Variants in TRPV6 observed in about 807,000 individuals in gnomAD.
TRPV6 encodes the protein transient receptor potential cation channel subfamily V member 6, also known as Alu-binding protein with zinc finger domain.
A neutral mutation model predicts 79.0 loss-of-function variants in TRPV6; 39 were observed. The ratio of observed to expected loss-of-function variants is 0.49; its 90% CI spans 0.38 to 0.64. The LOEUF (loss-of-function observed/expected upper bound fraction) is 0.64. TRPV6 is among the 30% of genes least tolerant of loss of function. The probability of loss-of-function intolerance (pLI) is 0.00; values close to 1 mark genes in which losing one functional copy is unlikely to be tolerated. For synonymous variants in TRPV6, 373 were observed against 391.9 expected, an observed-to-expected ratio of 0.95 and a Z score of 0.57; for missense variants, 813 against 1,011.1, an observed-to-expected ratio of 0.80 and a Z score of 2.66.
intron 1 of TRPV6, chr7:142,878,864 A>G (rs1795137682): frequency 6.6e-6 from 1 of 152,220 alleles, no homozygotes; most frequent in Non-Finnish European, 1.5e-5. Flanking sequence ...TAGTGAATCC[A>G]AATCTGCAGT....
At chr7:142,879,319 C>T (rs1040307815) in intron 1 of TRPV6, 3 of 152,194 alleles carry the variant, frequency 2.0e-5, no homozygotes, top group African/African-American at 7.2e-5. Flanking sequence ...AAATTATCTT[C>T]TCTGAATCCC....
In TRPV6 at chr7:142,874,127, G is replaced by T; in HGVS notation, c.1588C>A (p.Leu530Met). ...GCCATCAGCCAGCAGAATCGCATCA[G>T]GTCGCCAAAAATCATCTAGAAGGAG... Residue 530 changes from leucine to methionine, a missense_variant, in exon 12 of 15, where the codon CTG (leucine) becomes ATG (methionine). Coordinates refer to ENST00000359396, the MANE Select transcript of TRPV6 (RefSeq NM_018646.6). 1 of 1,613,754 alleles carries T rather than the reference G, an allele frequency of 6.2e-7. No homozygotes were observed. Among genetic ancestry groups the T allele is most frequent in the Non-Finnish European group, 8.5e-7 (1 of 1,179,878 alleles).
chr7:142,876,956 T>TTCG, intron 4 of TRPV6, 119 bp from the exon 5 acceptor site: 1 of 1,477,266 alleles, frequency 6.8e-7, no homozygotes, highest in Admixed American at 2.1e-5. Context: ...TGAGGACACT[T>TTCG]TTCCTGCAGA....
rs780266506 is a variant in TRPV6, at chr7:142,876,526, A to T, written c.764T>A (p.Met255Lys). 4 of 1,614,180 alleles carry T rather than the reference A, an allele frequency of 2.5e-6. No homozygotes were observed. In the South Asian group the frequency reaches 4.4e-5, roughly 18 times the overall value. The change falls in exon 6 of 15, where the codon ATG (methionine) becomes AAG (lysine). Residue 255 changes from methionine (M) to lysine (K), a missense_variant. Physicochemically the swap from Met to Lys is moderately conservative, Grantham distance 95. Around this residue, in one of 3 missense-constraint regions of TRPV6, gnomAD observed 555 missense variants for 631.0 expected, o/e 0.88. Coordinates refer to ENST00000359396, the MANE Select transcript of TRPV6 (RefSeq NM_018646.6). The stretch of plus-strand genomic sequence containing the variant: ...GTCGTAGGACAGCAACAGGTTGTAC[A>T]TCTGGCAGGCAAAGGTTTTGTTGGG...
intron 2 of TRPV6, 34 bp downstream of exon 2, chr7:142,877,895 A>G: frequency 1.2e-6 from 2 of 1,612,886 alleles, no homozygotes; most frequent in Non-Finnish European, 1.7e-6. Context: ...TGTGGGGCTC[A>G]CCTAGGAGAT....
chr7:142,876,468 G>T lies in TRPV6; in HGVS notation c.822C>A (p.Leu274=). 6.2e-7 allele frequency: 1 copy of T among 1,614,182 alleles called. No homozygotes were observed. Among genetic ancestry groups the T allele is most frequent in the South Asian group, 1.1e-5 (1 of 91,082 alleles). Residue 274 remains leucine (L), a synonymous_variant, in exon 6 of 15, where the codon CTC becomes CTA. Coordinates refer to ENST00000359396, the MANE Select transcript of TRPV6 (RefSeq NM_018646.6). ...GGGTGAGACCCTGGTGATTGGGCAC[G>T]AGGTCCAGGGGCTGCAGGTGGTCCC...
intron 4 of TRPV6, 64 bp from the exon 5 acceptor site, chr7:142,876,901 C>T: frequency 6.3e-7 from 1 of 1,585,406 alleles, no homozygotes; most frequent in South Asian, 1.1e-5. Flanking sequence ...GGACAGTCTC[C>T]CCCAAGTGAC....
chr7:142,877,830 G>C (rs774341570), intron 2 of TRPV6, 57 bp from the exon 3 acceptor site: 2 of 1,613,228 alleles, frequency 1.2e-6, no homozygotes. Flanking sequence ...GATTGGAGAC[G>C]ATAGATTCAG....
At position 142,876,724 on chromosome 7, in the gene TRPV6, C is replaced by A. The variant is rs768225988; in HGVS notation, c.706+15G>T. 6.2e-7 allele frequency: 1 copy of A among 1,613,988 alleles called. No individual in the cohort carries two copies. The highest frequency in any genetic ancestry group is 1.3e-5 in the African/African-American group (1 of 74,904). On this transcript the variant is annotated intron_variant, in intron 5 of 14. Coordinates refer to ENST00000359396, the MANE Select transcript of TRPV6 (RefSeq NM_018646.6). ...CCTGCAGCATCCCAGCTCCCCTCCC[C>A]ATCTCAGCTCTTACCCAGGGAGTCC...
In TRPV6 at chr7:142,873,901, C is replaced by A; in HGVS notation, c.1639+175G>T. The A allele has an allele frequency of 9.3e-7, 1 of 1,074,298 alleles. No individual in the cohort carries two copies. The highest frequency in any genetic ancestry group is 2.6e-5 in the East Asian group (1 of 38,526). The allele number at this position is 1,074,298 out of a possible 1,614,324, so 66.5% of individuals were successfully genotyped here. The stretch of plus-strand genomic sequence containing the variant: ...GCCTCATCTTGATCCTAAGAGCCAC[C>A]TCTCCCTAACACTCCCGATTTTTCT... On this transcript the variant is annotated intron_variant, in intron 12 of 14. Transcript: ENST00000359396. This position sits in a 1 kb window ranked among gnomAD's most constrained non-coding sequence, Gnocchi z 4.8.
chr7:142,877,542 TAGG>T, intron 3 of TRPV6, 106 bp downstream of exon 3: 1 of 1,517,450 alleles, frequency 6.6e-7, no homozygotes, highest in Middle Eastern at 1.8e-4. Context: ...AAAAAAAGAG[TAGG>T]AGGCTCAGAT....
At position 142,871,829 on chromosome 7, in the gene TRPV6, G is replaced by C. The variant is rs779820490; in HGVS notation, c.2176C>G (p.Arg726Gly). The C allele has an allele frequency of 6.2e-7, 1 of 1,614,160 alleles. No homozygotes were observed. Residue 726 changes from arginine (R) to glycine (G), a missense_variant, in exon 15 of 15, where the codon CGA becomes GGA. Physicochemically the swap from Arg to Gly is moderately radical, Grantham distance 125. This residue lies in a region of TRPV6 where 164 missense variants were observed against 186.1 expected (regional missense o/e 0.88). Coordinates refer to ENST00000359396, the MANE Select transcript of TRPV6 (RefSeq NM_018646.6). ...TTGGCACTGCTGCGGGAGGTACTTCGAGACACTGAGGGCATAGGAAGGGAC... is the reference window on the plus strand; with the variant it reads ...TTGGCACTGCTGCGGGAGGTACTTCCAGACACTGAGGGCATAGGAAGGGAC...
intron 3 of TRPV6, 117 bp downstream of exon 3, chr7:142,877,534 A>G: frequency 1.3e-6 from 2 of 1,513,580 alleles, no homozygotes; most frequent in Non-Finnish European, 1.8e-6. Flanking sequence ...GAGAAGAGAA[A>G]AAAAGAGTAG....
chr7:142,873,664 G>A lies in TRPV6; in HGVS notation c.1692C>T (p.Tyr564=), dbSNP rs776312290. 53 of 1,614,076 alleles carry A rather than the reference G, an allele frequency of 3.3e-5. No individual in the cohort carries two copies. The highest frequency in any genetic ancestry group is 7.7e-5 in the South Asian group (7 of 91,088). ...TGCTGAACAGGGCCATGGGGTAGTC[G>A]TAGAAGTGGCCTAGCTCCTCGGGGT... is the stretch of plus-strand genomic sequence containing the variant. The change falls in exon 13 of 15, where the codon TAC becomes TAT. Residue 564 remains tyrosine, a synonymous_variant. Coordinates refer to ENST00000359396, the MANE Select transcript of TRPV6 (RefSeq NM_018646.6). This position sits in a 1 kb window ranked among gnomAD's most constrained non-coding sequence, Gnocchi z 4.8.
At chr7:142,878,299 T>G (rs1795122158) in intron 1 of TRPV6, 1 of 520,126 alleles carries the variant, frequency 1.9e-6, no homozygotes. Context: ...GAATGTATCA[T>G]GTGTGAATGT....
intron 6 of TRPV6, 174 bp from the exon 7 acceptor site, chr7:142,876,078 C>G: frequency 2.8e-6 from 2 of 725,570 alleles, no homozygotes; most frequent in South Asian, 4.6e-5. Flanking sequence ...TTCATAGGTT[C>G]CTCATCCTCT....
rs1158903250 is a variant in TRPV6, at chr7:142,873,588, C to T, written c.1768G>A (p.Asp590Asn). ...GTGATGCTGTACATGAAGGGCAGGT[C>T]CACGTTGTAGTTGGCTGGGCCATCG... Residue 590 changes from aspartate to asparagine, a missense_variant, in exon 13 of 15, where the codon GAC (aspartate) becomes AAC (asparagine). Around this residue, in one of 3 missense-constraint regions of TRPV6, gnomAD observed 94 missense variants for 194.0 expected, o/e 0.48. Transcript: ENST00000359396. The surrounding 1 kb of genome is among the most constrained non-coding windows in gnomAD (Gnocchi z 4.8). The T allele has an allele frequency of 4.3e-6, 7 of 1,614,048 alleles. No individual in the cohort carries two copies. The Admixed American group carries it at 1.2e-4, about 27-fold the overall frequency.
At chr7:142,877,604 C>T (rs780617656) in intron 3 of TRPV6, 47 bp downstream of exon 3, 2 of 1,592,056 alleles carry the variant, frequency 1.3e-6, no homozygotes, top group East Asian at 4.5e-5. Flanking sequence ...ACTTGAAATA[C>T]CCAACCAGTC....
chr7:142,873,442 G>C lies in TRPV6; in HGVS notation c.1908+6C>G. The C allele has an allele frequency of 1.2e-6, 2 of 1,612,676 alleles. No individual in the cohort carries two copies. Among genetic ancestry groups the C allele is most frequent in the South Asian group, 2.2e-5 (2 of 91,074 alleles). On this transcript the variant is annotated splice_donor_region_variant and intron_variant, in intron 13 of 14. Coordinates refer to ENST00000359396, the MANE Select transcript of TRPV6 (RefSeq NM_018646.6). This position sits in a 1 kb window ranked among gnomAD's most constrained non-coding sequence, Gnocchi z 4.8. ...CCCTAACCCTCCCTGCCACCAGGGG[G>C]CTCACCTGGGCCCTCCACAGCTCAT... is the stretch of plus-strand genomic sequence containing the variant.
Sources: allele counts gnomAD v4.1 joint callset, GRCh38; gene constraint gnomAD v4.1.1; regional missense constraint gnomAD v4.1.1; non-coding constraint Gnocchi (gnomAD v3.1); transcripts MANE v1.5; gene names NCBI Gene and HGNC (gene_info 2026-07-23, HGNC 2026-07-21).